Variants in MYO5C observed in about 807,000 individuals in gnomAD.
MYO5C encodes the protein unconventional myosin-Vc.
In MYO5C, 194 loss-of-function variants were observed where a neutral mutation model predicts 235.7. The observed-to-expected ratio is 0.82, with a 90% confidence interval of 0.73 to 0.93. The LOEUF is 0.93. MYO5C is among the 40% of genes least tolerant of loss of function. The probability of loss-of-function intolerance (pLI) is 0.00; values close to 1 mark genes in which losing one functional copy is unlikely to be tolerated. For missense variants in MYO5C, 2,038 were observed against 2,127.2 expected, an observed-to-expected ratio of 0.96 and a Z score of 0.82; for synonymous variants, 707 against 754.8, an observed-to-expected ratio of 0.94 and a Z score of 1.04.
chr15:52,240,010 T>C (rs1036363182), intron 20 of MYO5C, 131 bp from the exon 21 acceptor site: 1 of 910,124 alleles, frequency 1.1e-6, no homozygotes, highest in South Asian at 1.8e-5. Context: ...CACAGCCGTA[T>C]TACAGCTAGA....
At chr15:52,209,434 G>A (rs1486976354) in intron 35 of MYO5C, among the ~76,000 whole-genome samples, 19 of 152,142 alleles carry the variant, frequency 1.2e-4, no homozygotes, top group Admixed American at 1.2e-3. Context: ...GTCCGGGGTG[G>A]AGGGAAAGGA....
At chr15:52,236,524 A>G (rs2036089291) in intron 22 of MYO5C, among the ~76,000 whole-genome samples, 1 of 152,172 alleles carries the variant, frequency 6.6e-6, no homozygotes, top group African/African-American at 2.4e-5. Flanking sequence ...AAAATACAAA[A>G]AATTAGCCGG....
chr15:52,263,454 A>T (rs1196042690), intron 9 of MYO5C, among the ~76,000 whole-genome samples: 1 of 152,156 alleles, frequency 6.6e-6, no homozygotes, highest in Non-Finnish European at 1.5e-5. Flanking sequence ...CTGATGTCTG[A>T]TTCAAGCAGG....
Position 52,247,450 on chromosome 15 carries a change from C to G in MYO5C, c.1881+8G>C. Reference sequence around the variant, plus strand: ...TAGACCCCTCACTCTCAAACACCTTCTCAGTACCTTGCTCCCAACTGTGGT... The same window carrying G: ...TAGACCCCTCACTCTCAAACACCTTGTCAGTACCTTGCTCCCAACTGTGGT... On this transcript the variant is annotated splice_region_variant and intron_variant, in intron 15 of 40. Transcript: ENST00000261839. 2 of 1,613,978 alleles carry G rather than the reference C, an allele frequency of 1.2e-6. No homozygotes were observed. The highest frequency in any genetic ancestry group is 8.5e-7 in the Non-Finnish European group (1 of 1,179,892).
rs559737345 is a variant in MYO5C, at chr15:52,269,633, C to T, written c.940+120G>A. The stretch of plus-strand genomic sequence containing the variant: ...GTCTCAATCTCCTGACCTTGTGATC[C>T]GCCCACCTCAGCCTCCCAAAGTGTT... On this transcript the variant is annotated intron_variant, in intron 8 of 40. Transcript: ENST00000261839. 184 of 648,638 alleles carry T rather than the reference C, an allele frequency of 2.8e-4. 3 individuals are homozygous for T. The South Asian group carries it at 3.0e-3, about 11-fold the overall frequency. The allele number at this position is 648,638 out of a possible 1,614,324, so 40.2% of individuals were successfully genotyped here.
chr15:52,276,475 T>C (rs1285411692), intron 4 of MYO5C, among the ~76,000 whole-genome samples: 1 of 152,174 alleles, frequency 6.6e-6, no homozygotes, highest in East Asian at 1.9e-4. Context: ...GCCTAGCATA[T>C]GCCAATATTC....
intron 34 of MYO5C, among the ~76,000 whole-genome samples, chr15:52,212,632 C>T (rs1162242771): frequency 3.3e-5 from 5 of 152,202 alleles, no homozygotes; most frequent in Admixed American, 1.3e-4. Flanking sequence ...TGGAAGGTCA[C>T]AGTGAAGACA....
In MYO5C at chr15:52,211,812, C is replaced by T. The variant is rs149974542; in HGVS notation, c.4214G>A (p.Arg1405His). 6.1e-4 allele frequency: 984 copies of T among 1,614,176 alleles called. 16 individuals carry two copies. In the East Asian group the frequency reaches 0.02, roughly 33 times the overall value. The change falls in exon 35 of 41, where the codon CGC (arginine) becomes CAC (histidine). Residue 1405 changes from arginine (R) to histidine (H), a missense_variant. Arg to His is a conservative substitution (Grantham distance 29). Coordinates refer to ENST00000261839, the MANE Select transcript of MYO5C (RefSeq NM_018728.4). ...LPAHILFMCVRYADSLNDANM... is the reference protein window; with the variant it reads ...LPAHILFMCVHYADSLNDANM... ...GGCATCATTCAGAGAGTCTGCGTAG[C>T]GCACACACATGAACAGGATATGAGC...
At position 52,292,407 on chromosome 15, in the gene MYO5C, C is replaced by T. The variant is rs116171796; in HGVS notation, c.27+3203G>A. Among the ~76,000 whole-genome samples, 538 of 152,272 alleles carry T rather than the reference C, an allele frequency of 3.5e-3. 5 individuals carry two copies. Among genetic ancestry groups the T allele is most frequent in the African/African-American group, 0.013 (528 of 41,538 alleles). On this transcript the variant is annotated intron_variant, in intron 1 of 40. Coordinates refer to ENST00000261839, the MANE Select transcript of MYO5C (RefSeq NM_018728.4). Reference sequence around the variant, plus strand: ...GAGAGACACTAAGAACATAGGTTTTCAACTCCGGCTCCATCACTTGTATGT... The same window carrying T: ...GAGAGACACTAAGAACATAGGTTTTTAACTCCGGCTCCATCACTTGTATGT...
chr15:52,221,333 C>CACCAAGATAGTTCAGT, intron 29 of MYO5C, 78 bp from the exon 30 acceptor site: 1 of 1,040,404 alleles, frequency 9.6e-7, no homozygotes, highest in Non-Finnish European at 1.4e-6. Flanking sequence ...GCAAACTGAA[C>CACCAAGATAGTTCAGT]TATCTTGGTG....
At chr15:52,279,718 T>G (rs368098913) in intron 2 of MYO5C, 44 bp from the exon 3 acceptor site, 260 of 1,573,256 alleles carry the variant, frequency 1.7e-4, no homozygotes, top group Non-Finnish European at 3.6e-5. Context: ...ATAAAAGATT[T>G]TTGGTGTTTC....
chr15:52,254,280 G>T (rs1452350425), intron 11 of MYO5C, among the ~76,000 whole-genome samples: 1 of 152,192 alleles, frequency 6.6e-6, no homozygotes, highest in Non-Finnish European at 1.5e-5. Flanking sequence ...GAGGAGGGAA[G>T]AACCGGAGGC....
intron 8 of MYO5C, among the ~76,000 whole-genome samples, chr15:52,266,404 C>T (rs1006336513): frequency 5.3e-5 from 8 of 152,156 alleles, no homozygotes; most frequent in African/African-American, 1.9e-4. Context: ...GAGAAAGACA[C>T]AGCAGAAGAG....
chr15:52,256,682 CAA>C lies in MYO5C; in HGVS notation c.1350_1351del (p.Phe450LeufsTer6). 1.2e-6 allele frequency: 2 copies of C among 1,611,420 alleles called. No homozygotes were observed. The highest frequency in any genetic ancestry group is 1.7e-6 in the Non-Finnish European group (2 of 1,178,986). ...CAGTTTTTCATTAGCGTAATTGATG[CAA>C]AATTGTTCAAAGCTGTTCACATCAA... is the stretch of plus-strand genomic sequence containing the variant. On this transcript the variant is annotated frameshift_variant, in exon 11 of 41. Transcript: ENST00000261839. LOFTEE classifies it high-confidence loss of function.
chr15:52,295,699 G>T lies in MYO5C; in HGVS notation c.-63C>A. 8.3e-7 allele frequency: 1 copy of T among 1,199,602 alleles called. No homozygotes were observed. The highest frequency in any genetic ancestry group is 1.1e-6 in the Non-Finnish European group (1 of 914,960). 74.3% of individuals were successfully genotyped at this position (1,199,602 alleles called of 1,614,324 possible). On this transcript the variant is annotated 5_prime_UTR_variant, in exon 1 of 41. Transcript: ENST00000261839. The stretch of plus-strand genomic sequence containing the variant: ...CGTGCGAGGCTCGGGGGCTGGGCCT[G>T]CGCCGCAGAGGCCGGGCGCAGGAGA...
At chr15:52,285,443 C>T (rs544942472) in intron 1 of MYO5C, among the ~76,000 whole-genome samples, 1 of 126,916 alleles carries the variant, frequency 7.9e-6, no homozygotes, top group East Asian at 2.0e-4. Context: ...CTCTCCCTCT[C>T]CCTCCTCTCC....
At chr15:52,278,203 TG>T (rs1566991985) in intron 4 of MYO5C, among the ~76,000 whole-genome samples, 1 of 152,220 alleles carries the variant, frequency 6.6e-6, no homozygotes, top group East Asian at 1.9e-4. Context: ...GTGATAGTTA[TG>T]GGAAAAATAA....
chr15:52,195,259 A>G (rs2141252470), intron 40 of MYO5C, 118 bp downstream of exon 40: 2 of 658,500 alleles, frequency 3.0e-6, no homozygotes, highest in Non-Finnish European at 4.8e-6. Context: ...GGTGCCTTTC[A>G]TTTGTATATG....
intron 14 of MYO5C, among the ~76,000 whole-genome samples, chr15:52,248,405 CA>C (rs1366342969): frequency 6.6e-6 from 1 of 152,184 alleles, no homozygotes; most frequent in East Asian, 1.9e-4. Context: ...CTCTGCCTCC[CA>C]AAATGCGGGG....
Sources: gnomAD v4.1 joint callset for allele counts (sites outside exome capture counted in the v4.1 genomes callset) on GRCh38, gnomAD v4.1.1 for gene constraint, MANE v1.5 for transcripts, NCBI Gene and HGNC (gene_info 2026-07-23, HGNC 2026-07-21) for gene names.